Variants in CUL5 observed in about 807,000 individuals in gnomAD.
The protein encoded by CUL5 is cullin-5.
CUL5 carries 26 observed loss-of-function variants against 108.8 expected under a neutral mutation model. The observed-to-expected ratio is 0.24, with a 90% CI of 0.18 to 0.33. The LOEUF is 0.33. CUL5 is among the 10% of genes least tolerant of loss of function. The probability of loss-of-function intolerance (pLI) is 1.00; values close to 1 mark genes in which losing one functional copy is unlikely to be tolerated. For missense variants in CUL5, 524 were observed against 909.2 expected (o/e 0.58, Z 5.45); for synonymous variants, 334 against 298.0 (o/e 1.12, Z -1.25).
intron 15 of CUL5, 92 bp from the exon 16 acceptor site, chr11:108,095,438 A>T: frequency 1.1e-6 from 1 of 898,198 alleles, no homozygotes; most frequent in Non-Finnish European, 1.7e-6. Context: ...ACTGGAAGAC[A>T]GCAACCTTTT....
intron 8 of CUL5, 53 bp downstream of exon 8, chr11:108,070,242 A>G: frequency 7.6e-7 from 1 of 1,323,340 alleles, no homozygotes; most frequent in South Asian, 1.2e-5. Context: ...GGTATCTTTG[A>G]AACAAATCAC....
chr11:108,059,847 G>A lies in CUL5; in HGVS notation c.780+4892G>A, dbSNP rs190946955. ...TGCAGTAAGGAGAGATCACACCATTGCGCTCCAGCCTGGGTGACAGAGCGA... is the reference window on the plus strand; with the variant it reads ...TGCAGTAAGGAGAGATCACACCATTACGCTCCAGCCTGGGTGACAGAGCGA... On this transcript the variant is annotated intron_variant, in intron 7 of 18. Coordinates refer to ENST00000393094, the MANE Select transcript of CUL5 (RefSeq NM_003478.6). Among the ~76,000 whole-genome samples the A allele has an allele frequency of 9.3e-5, 14 of 150,900 alleles. No individual in the cohort carries two copies. In the East Asian group the frequency reaches 1.8e-3, roughly 19 times the overall value.
chr11:108,087,293 T>C (rs1251845975), intron 11 of CUL5, among the ~76,000 whole-genome samples: 1 of 152,242 alleles, frequency 6.6e-6, no homozygotes, highest in Non-Finnish European at 1.5e-5. Context: ...ATTTTACATA[T>C]GCATATATTT....
chr11:108,017,015 A>G (rs1388895016), intron 1 of CUL5, among the ~76,000 whole-genome samples: 2 of 152,306 alleles, frequency 1.3e-5, no homozygotes, highest in Admixed American at 6.5e-5. Context: ...CATACAAATA[A>G]TATCAAAGGT....
intron 7 of CUL5, among the ~76,000 whole-genome samples, chr11:108,063,456 A>G (rs1173910743): frequency 6.6e-6 from 1 of 152,006 alleles, no homozygotes; most frequent in Non-Finnish European, 1.5e-5. Context: ...TTGTTGGTGG[A>G]CAGTAAGGTT....
intron 1 of CUL5, among the ~76,000 whole-genome samples, chr11:108,031,978 A>T (rs1305604578): frequency 6.6e-6 from 1 of 152,230 alleles, no homozygotes; most frequent in Non-Finnish European, 1.5e-5. Context: ...ATGAGAACAC[A>T]TGAACACATA....
intron 7 of CUL5, among the ~76,000 whole-genome samples, chr11:108,068,280 A>G (rs367974623): frequency 6.6e-5 from 10 of 152,148 alleles, no homozygotes; most frequent in African/African-American, 2.4e-4. Flanking sequence ...AGTCATCAGC[A>G]TCATTCTTGT....
intron 11 of CUL5, among the ~76,000 whole-genome samples, chr11:108,080,111 C>CT (rs34618859): frequency 1.3e-3 from 155 of 116,672 alleles, no homozygotes; most frequent in South Asian, 3.0e-3. Flanking sequence ...AATTTTTCAT[C>CT]TTTTTTTTTT....
intron 18 of CUL5, among the ~76,000 whole-genome samples, chr11:108,102,071 G>A (rs1343109360): frequency 6.6e-6 from 1 of 152,098 alleles, no homozygotes; most frequent in South Asian, 2.1e-4. Flanking sequence ...GCCCAGGCTG[G>A]GGTGCAATGG....
chr11:108,064,566 C>T (rs146201529), intron 7 of CUL5, among the ~76,000 whole-genome samples: 2,125 of 152,010 alleles, frequency 0.014, 24 homozygotes, highest in Middle Eastern at 0.086. Context: ...CAAAAATTAG[C>T]GGGCGAGGTG....
rs1328384578 is a variant in CUL5 at position 108,089,557 on chromosome 11, A to G, written c.1377A>G (p.Thr459=). 1.3e-6 allele frequency: 2 copies of G among 1,568,966 alleles called. No individual in the cohort carries two copies. The highest frequency in any genetic ancestry group is 8.6e-7 in the Non-Finnish European group (1 of 1,161,728). The stretch of plus-strand genomic sequence containing the variant: ...TGAGGTATCATAAAGCTCATTTGAC[A>G]CGACGTCTTATATTAGACATCTCTG... ...VFMRYHKAHL[T]RRLILDISAD... Residue 459 remains threonine (T), a synonymous_variant, in exon 13 of 19, where the codon ACA becomes ACG. Transcript: ENST00000393094.
At chr11:108,045,126 A>G (rs914337760) in intron 2 of CUL5, among the ~76,000 whole-genome samples, 9 of 152,216 alleles carry the variant, frequency 5.9e-5, no homozygotes, top group Non-Finnish European at 1.0e-4. Context: ...ATATATTTCT[A>G]TAATGAAGAA....
rs1176101798 is a variant in CUL5 at position 108,098,396 on chromosome 11, C to T, written c.2025-10C>T. ...TCACCATAAAATACTTGATGCAATT[C>T]TTTTTGTAGAAAAAATGCAAAGGTT... On this transcript the variant is annotated splice_polypyrimidine_tract_variant and intron_variant, in intron 17 of 18. Transcript: ENST00000393094. 6.3e-6 allele frequency: 10 copies of T among 1,595,452 alleles called. No homozygotes were observed. The highest frequency in any genetic ancestry group is 8.5e-6 in the Non-Finnish European group (10 of 1,173,132).
In CUL5 at chr11:108,033,931, T is replaced by C. The variant is rs779511163; in HGVS notation, c.134+20T>C. ...GTTTTCGTAAGTACCCCACTAATTC[T>C]GTTTGCTAGCATAAAGGAAATTTTA... On this transcript the variant is annotated intron_variant, in intron 2 of 18. Coordinates refer to ENST00000393094, the MANE Select transcript of CUL5 (RefSeq NM_003478.6). 1 of 1,463,314 alleles carries C rather than the reference T, an allele frequency of 6.8e-7. No individual in the cohort carries two copies. The highest frequency in any genetic ancestry group is 2.3e-5 in the East Asian group (1 of 44,124). 90.6% of individuals were successfully genotyped at this position (1,463,314 alleles called of 1,614,324 possible).
intron 2 of CUL5, 116 bp from the exon 3 acceptor site, chr11:108,046,154 C>T: frequency 1.7e-6 from 1 of 579,412 alleles, no homozygotes; most frequent in Non-Finnish European, 2.9e-6. Flanking sequence ...TGAATTCAGA[C>T]ACCATTTACT....
intron 1 of CUL5, among the ~76,000 whole-genome samples, chr11:108,018,923 T>A (rs1451854851): frequency 2.0e-5 from 3 of 152,120 alleles, no homozygotes; most frequent in Non-Finnish European, 4.4e-5. Context: ...ACTTAACATC[T>A]CTGTGCCTCA....
intron 7 of CUL5, among the ~76,000 whole-genome samples, chr11:108,064,788 G>C (rs1236575264): frequency 2.0e-5 from 3 of 152,130 alleles, no homozygotes; most frequent in African/African-American, 7.2e-5. Flanking sequence ...ATTCATCAGT[G>C]ATATTGGCCT....
At chr11:108,018,244 C>T (rs1862249256) in intron 1 of CUL5, among the ~76,000 whole-genome samples, 1 of 152,172 alleles carries the variant, frequency 6.6e-6, no homozygotes, top group South Asian at 2.1e-4. Flanking sequence ...TGAGGAACAC[C>T]TTTAAAAGGT....
At chr11:108,042,218 CTTTTTTT>C (rs11440201) in intron 2 of CUL5, among the ~76,000 whole-genome samples, 2 of 124,094 alleles carry the variant, frequency 1.6e-5, no homozygotes, top group Admixed American at 9.5e-5. Flanking sequence ...ATCCACAATT[CTTTTTTT>C]TTTTTTTTTT....
Sources: gnomAD v4.1 joint callset for allele counts (sites outside exome capture counted in the v4.1 genomes callset) on GRCh38, gnomAD v4.1.1 for gene constraint, MANE v1.5 for transcripts, NCBI Gene and HGNC (gene_info 2026-07-23, HGNC 2026-07-21) for gene names.